The following ART3 variants were observed in gnomAD, a reference collection of about 807,000 sequenced individuals.
ART3 encodes the protein ecto-ADP-ribosyltransferase 3.
Under a neutral mutation model 48.5 loss-of-function variants are expected in ART3, and 49 were observed. The observed-to-expected ratio is 1.01, with a 90% CI of 0.80 to 1.28. The LOEUF (loss-of-function observed/expected upper bound fraction) is 1.28, where lower values mean the gene tolerates loss of function less well. Ranked by LOEUF, ART3 falls within the 50% of genes most tolerant of loss-of-function variation. ART3 has a pLI of 0.00. For missense variants in ART3, 438 were observed against 454.3 expected, an observed-to-expected ratio of 0.96 and a Z score of 0.33; for synonymous variants, 145 against 157.2, an observed-to-expected ratio of 0.92 and a Z score of 0.58.
intron 3 of ART3, among the ~76,000 whole-genome samples, chr4:76,087,209 G>A (rs192139281): frequency 1.6e-4 from 24 of 152,296 alleles, no homozygotes; most frequent in Non-Finnish European, 3.2e-4. Flanking sequence ...GAACCAAAGA[G>A]GTTCTATTGG....
chr4:76,036,234 T>C lies in ART3; in HGVS notation c.-10+24914T>C, dbSNP rs1223594681. On this transcript the variant is annotated intron_variant, in intron 1 of 9. Transcript: ENST00000341029. Reference sequence around the variant, plus strand: ...CTGTCCCTTCCTATTTGCAGTAGTGTTGAAAGTGATAAGAATGTGAAAGCA... The same window carrying C: ...CTGTCCCTTCCTATTTGCAGTAGTGCTGAAAGTGATAAGAATGTGAAAGCA... 2.1e-5 allele frequency: 9 copies of C among 431,680 alleles called. No individual in the cohort carries two copies. The East Asian group carries it at 2.9e-4, about 14-fold the overall frequency. The allele number at this position is 431,680 out of a possible 1,614,324, so 26.7% of individuals were successfully genotyped here.
intron 3 of ART3, among the ~76,000 whole-genome samples, chr4:76,089,844 G>A (rs1216278339): frequency 1.3e-5 from 2 of 152,124 alleles, no homozygotes; most frequent in African/African-American, 4.8e-5. Flanking sequence ...CACTTTGGGA[G>A]GCCGAGGCGG....
At chr4:76,105,042 C>G (rs1728164489) in intron 10 of ART3, among the ~76,000 whole-genome samples, 1 of 152,160 alleles carries the variant, frequency 6.6e-6, no homozygotes, top group African/African-American at 2.4e-5. Flanking sequence ...AATAAAGGCT[C>G]AGAGAACATA....
At chr4:76,106,577 C>T (rs1560658989) in intron 10 of ART3, among the ~76,000 whole-genome samples, 1 of 152,098 alleles carries the variant, frequency 6.6e-6, no homozygotes, top group Non-Finnish European at 1.5e-5. Context: ...GTGTCTGTTC[C>T]CATACATCAT....
intron 1 of ART3, among the ~76,000 whole-genome samples, chr4:76,038,642 A>G (rs191272565): frequency 1.3e-5 from 2 of 152,314 alleles, no homozygotes; most frequent in East Asian, 3.9e-4. Flanking sequence ...ACAGTAGAGC[A>G]TAGTTGTTAA....
rs1043100050 is a variant in ART3 at position 76,106,579 on chromosome 4, A to G, written c.1004-1182A>G. Among the ~76,000 whole-genome samples the G allele has an allele frequency of 1.1e-4, 17 of 152,188 alleles. No individual in the cohort carries two copies. The South Asian group carries it at 3.3e-3, about 30-fold the overall frequency. ...GAGAGAGCGTTGTGTGTCTGTTCCCATACATCATTCTGCAGCTGCAGGCAT... is the reference window on the plus strand; with the variant it reads ...GAGAGAGCGTTGTGTGTCTGTTCCCGTACATCATTCTGCAGCTGCAGGCAT... On this transcript the variant is annotated intron_variant, in intron 10 of 11. Coordinates refer to ENST00000355810, the MANE Select transcript of ART3 (RefSeq NM_001130016.3).
intron 1 of ART3, among the ~76,000 whole-genome samples, chr4:76,046,768 A>G (rs376677348): frequency 1.3e-5 from 2 of 152,140 alleles, no homozygotes; most frequent in East Asian, 3.9e-4. Flanking sequence ...CAGGAATAAC[A>G]AAAAAGGCAT....
chr4:76,065,552 A>AACACACACACACACACACACACACAC (rs56794781), intron 1 of ART3, among the ~76,000 whole-genome samples: 2 of 145,294 alleles, frequency 1.4e-5, no homozygotes, highest in African/African-American at 5.2e-5. Flanking sequence ...ATAACCCTCC[A>AACACACACACACACACACACACACAC]ACACACACAC....
At chr4:76,039,789 T>A (rs1347550988) in intron 1 of ART3, among the ~76,000 whole-genome samples, 1 of 152,204 alleles carries the variant, frequency 6.6e-6, no homozygotes, top group African/African-American at 2.4e-5. Context: ...TACATTATAC[T>A]ATTTTAAATA....
chr4:76,016,838 T>G (rs1732313489), intron 1 of ART3, among the ~76,000 whole-genome samples: 1 of 152,170 alleles, frequency 6.6e-6, no homozygotes, highest in Non-Finnish European at 1.5e-5. Context: ...AGAGGAGCCT[T>G]TTACTCATGC....
At chr4:76,070,182 G>A (rs72653686), upstream of ART3, among the ~76,000 whole-genome samples, 5,600 of 32,580 alleles carry the variant, frequency 0.17, 141 homozygotes, top group Middle Eastern at 0.34. Context: ...ATGAATTCCT[G>A]TTCTTTTAAG....
intron 1 of ART3, among the ~76,000 whole-genome samples, chr4:76,075,538 G>C (rs144663829): frequency 2.6e-5 from 4 of 152,164 alleles, no homozygotes; most frequent in Non-Finnish European, 4.4e-5. Flanking sequence ...TCCTGTGCAC[G>C]CTGAGGGGAG....
chr4:76,086,307 G>C (rs576830087), intron 3 of ART3, among the ~76,000 whole-genome samples: 34 of 152,266 alleles, frequency 2.2e-4, no homozygotes, highest in African/African-American at 7.9e-4. Flanking sequence ...AAAAAAGAGA[G>C]AGATTCTGCC....
At chr4:76,045,720 G>A (rs1735439209) in intron 1 of ART3, among the ~76,000 whole-genome samples, 1 of 151,984 alleles carries the variant, frequency 6.6e-6, no homozygotes, top group South Asian at 2.1e-4. Flanking sequence ...TCTGCCTCTG[G>A]TTCCCTTTCA....
intron 2 of ART3, among the ~76,000 whole-genome samples, chr4:76,077,362 G>A (rs1011380214): frequency 1.3e-5 from 2 of 152,042 alleles, no homozygotes; most frequent in Admixed American, 6.6e-5. Context: ...TCTTATAGCC[G>A]AGTAATATTC....
At chr4:76,034,685 A>G in intron 1 of ART3, 1 of 883,802 alleles carries the variant, frequency 1.1e-6, no homozygotes, top group Non-Finnish European at 1.8e-6. Flanking sequence ...AACCATAGAA[A>G]AGTCTCAGTT....
chr4:76,076,027 A>T (rs1163228404), intron 2 of ART3, 69 bp downstream of exon 2: 103 of 1,327,222 alleles, frequency 7.8e-5, no homozygotes, highest in Non-Finnish European at 1.0e-4. Flanking sequence ...TTTGAGACGG[A>T]GTCTCTCTCT....
intron 1 of ART3, among the ~76,000 whole-genome samples, chr4:76,032,406 T>C (rs1024303073): frequency 2.0e-5 from 3 of 152,018 alleles, no homozygotes; most frequent in African/African-American, 7.3e-5. Flanking sequence ...GAATTTTCGC[T>C]ATGTTGCCCA....
chr4:76,100,004 T>G (rs1472461579), intron 5 of ART3, among the ~76,000 whole-genome samples: 1 of 152,200 alleles, frequency 6.6e-6, no homozygotes, highest in African/African-American at 2.4e-5. Flanking sequence ...CCCAGGGACT[T>G]TAGCTGACTC....
Sources: allele counts gnomAD v4.1 joint callset (sites outside exome capture counted in the v4.1 genomes callset), GRCh38; gene constraint gnomAD v4.1.1; transcripts MANE v1.5; gene names NCBI Gene and HGNC (gene_info 2026-07-23, HGNC 2026-07-21).